PHF2: variants seen among roughly 807,000 people sequenced by gnomAD.
The protein encoded by PHF2 is lysine-specific demethylase PHF2.
A neutral mutation model predicts 120.5 loss-of-function variants in PHF2; 27 were observed. That is an observed-to-expected ratio of 0.22 (90% CI 0.17 to 0.31). The LOEUF is 0.31. PHF2 is among the 10% of genes least tolerant of loss of function. The pLI is 1.00. For missense variants in PHF2, 1,024 were observed against 1,434.8 expected (o/e 0.71, Z 4.63); for synonymous variants, 568 against 592.5 (o/e 0.96, Z 0.60).
chr9:93,679,511 G>A lies in PHF2; in HGVS notation c.*1835G>A, dbSNP rs1433686713. On this transcript the variant is annotated 3_prime_UTR_variant, in exon 22 of 22. Coordinates refer to ENST00000359246, the MANE Select transcript of PHF2 (RefSeq NM_005392.4). ...TTATTTCCCAATTCATATTACTCTT[G>A]TATCGAGTCCATGAGGTCTAAGGCA... 2.1e-5 allele frequency: 6 copies of A among 288,542 alleles called. No individual in the cohort carries two copies. Among genetic ancestry groups the A allele is most frequent in the Admixed American group, 5.0e-5 (1 of 19,908 alleles). The allele number at this position is 288,542 out of a possible 1,614,324, so 17.9% of individuals were successfully genotyped here. A position where few individuals can be genotyped will look rare whatever the true frequency, so the allele number is the denominator to read the frequency against.
At chr9:93,613,322 A>G (rs1221262051) in intron 1 of PHF2, among the ~76,000 whole-genome samples, 2 of 152,172 alleles carry the variant, frequency 1.3e-5, no homozygotes, top group Non-Finnish European at 2.9e-5. Context: ...CAGCTCTGGG[A>G]CTTTAGCCAC....
In PHF2 at chr9:93,656,585, G is replaced by A. The variant is rs781089470; in HGVS notation, c.1137G>A (p.Glu379=). 1 of 1,612,430 alleles carries A rather than the reference G, an allele frequency of 6.2e-7. No individual in the cohort carries two copies. Among genetic ancestry groups the A allele is most frequent in the East Asian group, 2.2e-5 (1 of 44,856 alleles). The change falls in exon 9 of 22, where the codon GAG becomes GAA. Residue 379 remains glutamate (E), a synonymous_variant. Transcript: ENST00000359246. This position sits in a 1 kb window ranked among gnomAD's most constrained non-coding sequence, Gnocchi z 4.1. The stretch of plus-strand genomic sequence containing the variant: ...GGTACATGGGGAAGCACCTGCTGGA[G>A]GCATTCAAAGGTACTGGTCACTCCG... ...ACWYMGKHLL[E]AFKGSHKSGK... is the part of the protein sequence containing the mutation.
chr9:93,667,849 G>C (rs1404276058), intron 17 of PHF2, among the ~76,000 whole-genome samples: 1 of 152,150 alleles, frequency 6.6e-6, no homozygotes, highest in Non-Finnish European at 1.5e-5. Flanking sequence ...TTTGCGGCTG[G>C]TCCCTTGTCC....
intron 1 of PHF2, among the ~76,000 whole-genome samples, chr9:93,618,687 T>C (rs1367927437): frequency 1.3e-5 from 2 of 152,306 alleles, no homozygotes; most frequent in East Asian, 3.9e-4. Context: ...AAAATTGTAA[T>C]ATTAATAGCA....
In PHF2 at chr9:93,676,917, G is replaced by C. The variant is rs1208660516; in HGVS notation, c.3156G>C (p.Gln1052His). The C allele has an allele frequency of 2.5e-6, 4 of 1,577,302 alleles. No homozygotes were observed. Among genetic ancestry groups the C allele is most frequent in the South Asian group, 2.3e-5 (2 of 86,942 alleles). ...TGGCCCCTGGGGTCTTTCTCACACA[G>C]AGGCGGCCCTCCGCATCGTCTCCAA... is the stretch of plus-strand genomic sequence containing the variant. ...QPMAPGVFLT[Q>H]RRPSASSPNN... is the part of the protein sequence containing the mutation. Residue 1052 changes from glutamine to histidine, a missense_variant, in exon 21 of 22, where the codon CAG becomes CAC. Around this residue, in one of 2 missense-constraint regions of PHF2, gnomAD observed 677 missense variants for 857.4 expected, o/e 0.79. Transcript: ENST00000359246.
At chr9:93,630,742 G>C (rs1040595702) in intron 2 of PHF2, among the ~76,000 whole-genome samples, 4 of 152,312 alleles carry the variant, frequency 2.6e-5, no homozygotes, top group South Asian at 2.1e-4. Flanking sequence ...GGTTGCAGAG[G>C]GGGAGCTGTG....
chr9:93,626,984 A>G (rs1825924338), intron 1 of PHF2, among the ~76,000 whole-genome samples: 1 of 152,230 alleles, frequency 6.6e-6, no homozygotes, highest in African/African-American at 2.4e-5. Context: ...ATAGCTTTGT[A>G]GTAAGTTTTA....
chr9:93,583,893 A>G (rs1056940979), intron 1 of PHF2, among the ~76,000 whole-genome samples: 1 of 139,474 alleles, frequency 7.2e-6, no homozygotes, highest in Non-Finnish European at 1.5e-5. Context: ...CAATGGCGTG[A>G]TCTCAGCTCA....
chr9:93,647,974 A>C (rs1460239547), intron 4 of PHF2, among the ~76,000 whole-genome samples: 1 of 152,242 alleles, frequency 6.6e-6, no homozygotes, highest in African/African-American at 2.4e-5. Flanking sequence ...AAAAATATAT[A>C]ATCACAGTTC....
chr9:93,645,087 CAG>C (rs1326953418), intron 3 of PHF2, among the ~76,000 whole-genome samples: 1 of 152,188 alleles, frequency 6.6e-6, no homozygotes, highest in Non-Finnish European at 1.5e-5. Flanking sequence ...GAGAGAGAGA[CAG>C]AAGGAGACCT....
chr9:93,612,974 C>G (rs1317314911), intron 1 of PHF2, among the ~76,000 whole-genome samples: 1 of 152,204 alleles, frequency 6.6e-6, no homozygotes, highest in African/African-American at 2.4e-5. Context: ...GATGGGAACT[C>G]CAGGGCTTCC....
chr9:93,577,438 A>T (rs1337737516), intron 1 of PHF2, among the ~76,000 whole-genome samples: 1 of 151,552 alleles, frequency 6.6e-6, no homozygotes, highest in Non-Finnish European at 1.5e-5. Context: ...CGGCGCGCCC[A>T]CCCTCCGCCG....
rs1478803467 is a variant in PHF2 at position 93,653,379 on chromosome 9, C to T, written c.789+14C>T. 16 of 1,611,352 alleles carry T rather than the reference C, an allele frequency of 9.9e-6. No individual in the cohort carries two copies. The highest frequency in any genetic ancestry group is 2.2e-5 in the East Asian group (1 of 44,852). ...CACGTGCTCAAGGTGAGCCACGCCC[C>T]TCGGGGCACCTCTGCCTTGCCATGG... is the stretch of plus-strand genomic sequence containing the variant. On this transcript the variant is annotated intron_variant, in intron 6 of 21. Coordinates refer to ENST00000359246, the MANE Select transcript of PHF2 (RefSeq NM_005392.4).
chr9:93,602,063 C>G (rs1298160447), intron 1 of PHF2, among the ~76,000 whole-genome samples: 7 of 152,086 alleles, frequency 4.6e-5, no homozygotes, highest in Non-Finnish European at 1.0e-4. Flanking sequence ...CCTAACTGGG[C>G]TTTCTCATCC....
At chr9:93,605,515 G>C (rs557187179) in intron 1 of PHF2, among the ~76,000 whole-genome samples, 2 of 152,142 alleles carry the variant, frequency 1.3e-5, no homozygotes, top group Non-Finnish European at 2.9e-5. Flanking sequence ...ATCCCTCCCA[G>C]TACCCCCAAA....
At chr9:93,615,914 C>T (rs901716398) in intron 1 of PHF2, among the ~76,000 whole-genome samples, 7 of 152,128 alleles carry the variant, frequency 4.6e-5, no homozygotes, top group Non-Finnish European at 7.4e-5. Flanking sequence ...AGGGAGCTGT[C>T]GGGGGCCATT....
At chr9:93,649,477 G>A (rs1318665339) in intron 5 of PHF2, among the ~76,000 whole-genome samples, 1 of 145,904 alleles carries the variant, frequency 6.9e-6, no homozygotes, top group African/African-American at 2.6e-5. Context: ...ACAAAAATAA[G>A]GAGCAAAAAG....
At chr9:93,671,320 G>T in intron 17 of PHF2, 1 of 525,452 alleles carries the variant, frequency 1.9e-6, no homozygotes, top group Non-Finnish European at 2.4e-6. Context: ...AGGGTCAGGT[G>T]TAGATGCAGA....
chr9:93,620,969 T>C (rs940622111), intron 1 of PHF2, among the ~76,000 whole-genome samples: 51 of 152,372 alleles, frequency 3.3e-4, no homozygotes, highest in Non-Finnish European at 2.9e-4. Flanking sequence ...ATCGAAGCCC[T>C]GGATCCTCGT....
Sources: allele counts gnomAD v4.1 joint callset (sites outside exome capture counted in the v4.1 genomes callset), GRCh38; gene constraint gnomAD v4.1.1; regional missense constraint gnomAD v4.1.1; non-coding constraint Gnocchi (gnomAD v3.1); transcripts MANE v1.5; gene names NCBI Gene and HGNC (gene_info 2026-07-23, HGNC 2026-07-21).